The following CELSR1 variants were observed in gnomAD, a reference collection of about 807,000 sequenced individuals.
The protein encoded by CELSR1 is adhesion G protein-coupled receptor C1.
In CELSR1, 110 loss-of-function variants were observed where a neutral mutation model predicts 249.1. The ratio of observed to expected loss-of-function variants is 0.44; its 90% confidence interval spans 0.38 to 0.52. CELSR1 has a LOEUF of 0.52. CELSR1 is among the 20% of genes least tolerant of loss of function. The pLI is 0.00. For missense variants in CELSR1, 4,109 were observed against 4,296.4 expected, an observed-to-expected ratio of 0.96 and a Z score of 1.22; for synonymous variants, 2,113 against 1,900.0, an observed-to-expected ratio of 1.11 and a Z score of -2.92.
chr22:46,461,687 G>T (rs577327608), intron 2 of CELSR1, among the ~76,000 whole-genome samples: 1 of 152,244 alleles, frequency 6.6e-6, no homozygotes, highest in Non-Finnish European at 1.5e-5. Context: ...GGCTGTGTGC[G>T]CTGGCCTGGT....
chr22:46,505,197 G>C (rs2080503341), intron 1 of CELSR1, among the ~76,000 whole-genome samples: 1 of 131,812 alleles, frequency 7.6e-6, no homozygotes, highest in East Asian at 2.5e-4. Context: ...GGGAGGCAGA[G>C]CTTGCAATGA....
In CELSR1 at chr22:46,423,790, G is replaced by A. The variant is rs910415483; in HGVS notation, c.4611+9603C>T. Among the ~76,000 whole-genome samples, 30 of 151,684 alleles carry A rather than the reference G, an allele frequency of 2.0e-4. No homozygotes were observed. Among genetic ancestry groups the A allele is most frequent in the African/African-American group, 6.8e-4 (28 of 41,266 alleles). On this transcript the variant is annotated intron_variant, in intron 5 of 34. Coordinates refer to ENST00000674500, the MANE Select transcript of CELSR1 (RefSeq NM_001378328.1). The surrounding 1 kb of genome is among the most constrained non-coding windows in gnomAD (Gnocchi z 5.6). ...AGTTCGAGACCAGCCTGGCCAACATGGTGAAATCCCATCTCTACTAAAAAT... is the reference window on the plus strand; with the variant it reads ...AGTTCGAGACCAGCCTGGCCAACATAGTGAAATCCCATCTCTACTAAAAAT...
rs373599335 is a variant in CELSR1 at position 46,417,798 on chromosome 22, A to C, written c.4612-6039T>G. Among the ~76,000 whole-genome samples the C allele has an allele frequency of 1.7e-4, 26 of 152,368 alleles. No homozygotes were observed. Among genetic ancestry groups the C allele is most frequent in the African/African-American group, 6.3e-4 (26 of 41,582 alleles). The stretch of plus-strand genomic sequence containing the variant: ...GGAATGAAATGAAAGGACGGATCTG[A>C]AACTGTGCAGTGTCTGAGCTGGCGT... On this transcript the variant is annotated intron_variant, in intron 5 of 34. Coordinates refer to ENST00000674500, the MANE Select transcript of CELSR1 (RefSeq NM_001378328.1). This position sits in a 1 kb window ranked among gnomAD's most constrained non-coding sequence, Gnocchi z 4.1.
intron 1 of CELSR1, among the ~76,000 whole-genome samples, chr22:46,497,988 C>T (rs1286428446): frequency 1.3e-5 from 2 of 151,992 alleles, no homozygotes; most frequent in Admixed American, 6.6e-5. Context: ...GTGGCTCACG[C>T]TTGTAATCCC....
chr22:46,503,443 G>C lies in CELSR1; in HGVS notation c.3544+30184C>G, dbSNP rs555338503. Among the ~76,000 whole-genome samples the C allele has an allele frequency of 2.0e-5, 3 of 152,328 alleles. No individual in the cohort carries two copies. In the South Asian group the frequency reaches 6.2e-4, roughly 32 times the overall value. ...ATCCCCATGGTGGTGAGGACACAGG[G>C]GAGGCCCCTACAGCCGTCCCCACTG... On this transcript the variant is annotated intron_variant, in intron 1 of 34. Coordinates refer to ENST00000674500, the MANE Select transcript of CELSR1 (RefSeq NM_001378328.1).
At chr22:46,479,344 C>T (rs1034609734) in intron 1 of CELSR1, among the ~76,000 whole-genome samples, 18 of 151,998 alleles carry the variant, frequency 1.2e-4, no homozygotes, top group Non-Finnish European at 2.5e-4. Flanking sequence ...CCCCCGAGCC[C>T]GAAGGCCCTC....
intron 29 of CELSR1, 84 bp downstream of exon 29, chr22:46,366,909 C>G: frequency 2.0e-6 from 3 of 1,510,946 alleles, no homozygotes; most frequent in Non-Finnish European, 2.7e-6. Flanking sequence ...GGCCGCAGGA[C>G]TGGGGCTGAG....
At chr22:46,373,185 G>A (rs1216698631) in intron 24 of CELSR1, 128 bp from the exon 25 acceptor site, 12 of 1,007,028 alleles carry the variant, frequency 1.2e-5, no homozygotes, top group South Asian at 1.1e-4. Flanking sequence ...CCTCAGCTGA[G>A]CAGGGCTACA....
chr22:46,459,042 GCCA>G (rs897933284), intron 2 of CELSR1, among the ~76,000 whole-genome samples: 5 of 149,892 alleles, frequency 3.3e-5, no homozygotes, highest in African/African-American at 1.2e-4. Context: ...ACAGGCGTGT[GCCA>G]CCACACCTGG....
intron 13 of CELSR1, 119 bp from the exon 14 acceptor site, chr22:46,394,381 G>A (rs989153660): frequency 8.2e-7 from 1 of 1,212,532 alleles, no homozygotes; most frequent in Non-Finnish European, 1.1e-6. Context: ...GTCCAGCTCT[G>A]GGAGCTTCCC....
At chr22:46,394,065 C>T (rs560405879) in intron 14 of CELSR1, 77 bp downstream of exon 14, 15 of 1,547,484 alleles carry the variant, frequency 9.7e-6, no homozygotes, top group Middle Eastern at 2.0e-4. Flanking sequence ...TATGTGAAGG[C>T]GTGTGTGTAT....
Position 46,380,575 on chromosome 22 carries a change from C to T in CELSR1, c.7256+213G>A, listed in dbSNP as rs1181141984. ...CACATCTGTATCTCCACGTGCAGGT[C>T]TGTGTGCATCTGTGTGTGGACATCT... On this transcript the variant is annotated intron_variant, in intron 22 of 34. Transcript: ENST00000674500. The surrounding 1 kb of genome is among the most constrained non-coding windows in gnomAD (Gnocchi z 5.1). 6.6e-6 allele frequency among the ~76,000 whole-genome samples: 1 copy of T among 152,210 alleles called. No homozygotes were observed. Among genetic ancestry groups the T allele is most frequent in the Non-Finnish European group, 1.5e-5 (1 of 68,026 alleles).
chr22:46,480,018 C>G (rs2080250844), intron 1 of CELSR1, among the ~76,000 whole-genome samples: 1 of 152,218 alleles, frequency 6.6e-6, no homozygotes. Flanking sequence ...TCTACAAAAA[C>G]CAGGTTTTTC....
chr22:46,375,690 C>A (rs769257640), intron 24 of CELSR1, among the ~76,000 whole-genome samples: 1 of 152,000 alleles, frequency 6.6e-6, no homozygotes, highest in Non-Finnish European at 1.5e-5. Flanking sequence ...ATTACAGGTG[C>A]GTACCACTAT....
chr22:46,407,813 G>A lies in CELSR1; in HGVS notation c.5226+1183C>T, dbSNP rs778364697. ...CATAAAGGGAGCTTTTTAGGAGGGA[G>A]AATTGCCCAGTGAGTTTTCAGAGCT... On this transcript the variant is annotated intron_variant, in intron 9 of 34. Transcript: ENST00000674500. The surrounding 1 kb of genome is among the most constrained non-coding windows in gnomAD (Gnocchi z 4.8). Among the ~76,000 whole-genome samples, 1 of 152,196 alleles carries A rather than the reference G, an allele frequency of 6.6e-6. No individual in the cohort carries two copies.
Position 46,406,069 on chromosome 22 carries a change from G to A in CELSR1, c.5226+2927C>T, listed in dbSNP as rs1004816221. 6.6e-6 allele frequency among the ~76,000 whole-genome samples: 1 copy of A among 152,188 alleles called. No homozygotes were observed. Among genetic ancestry groups the A allele is most frequent in the Non-Finnish European group, 1.5e-5 (1 of 68,040 alleles). On this transcript the variant is annotated intron_variant, in intron 9 of 34. Transcript: ENST00000674500. This position sits in a 1 kb window ranked among gnomAD's most constrained non-coding sequence, Gnocchi z 5.4. ...CCTCCATGATGTAATTACACAAACA[G>A]CACCGGAGTCTGTGGCTTCCAGCAC...
intron 5 of CELSR1, among the ~76,000 whole-genome samples, chr22:46,416,317 C>G (rs930021693): frequency 6.6e-6 from 1 of 152,240 alleles, no homozygotes; most frequent in Non-Finnish European, 1.5e-5. Context: ...CCCAGCGCCC[C>G]GGCACCTGCC....
At chr22:46,422,355 G>A (rs2079484113) in intron 5 of CELSR1, among the ~76,000 whole-genome samples, 1 of 151,960 alleles carries the variant, frequency 6.6e-6, no homozygotes, top group Non-Finnish European at 1.5e-5. Flanking sequence ...TGATCTGCCT[G>A]CCTCGGCCTC....
chr22:46,366,858 A>C (rs369114384), intron 29 of CELSR1, 135 bp downstream of exon 29: 19 of 1,265,918 alleles, frequency 1.5e-5, no homozygotes, highest in Non-Finnish European at 2.0e-5. Flanking sequence ...CACACCGTGC[A>C]CCGCGGGCGG....
Sources: gnomAD v4.1 joint callset for allele counts (sites outside exome capture counted in the v4.1 genomes callset) on GRCh38, gnomAD v4.1.1 for gene constraint, Gnocchi (gnomAD v3.1) non-coding constraint, MANE v1.5 for transcripts, NCBI Gene and HGNC (gene_info 2026-07-23, HGNC 2026-07-21) for gene names.